DAPK2: variants seen among roughly 807,000 people sequenced by gnomAD.
The protein encoded by DAPK2 is death-associated protein kinase 2.
Under a neutral mutation model 44.1 loss-of-function variants are expected in DAPK2, and 35 were observed. That is an observed-to-expected ratio of 0.79 (90% CI 0.61 to 1.05). DAPK2 has a LOEUF of 1.05. Ranked by LOEUF, DAPK2 falls within the 50% of genes least tolerant of loss-of-function variation. The pLI, the probability that DAPK2 is intolerant of heterozygous loss-of-function variation, is 0.00. For synonymous variants in DAPK2, 174 were observed against 182.6 expected (o/e 0.95, Z 0.38); for missense variants, 453 against 483.2 (o/e 0.94, Z 0.59).
chr15:63,955,472 T>C (rs953846160), intron 3 of DAPK2, among the ~76,000 whole-genome samples: 1 of 152,202 alleles, frequency 6.6e-6, no homozygotes, highest in African/African-American at 2.4e-5. Context: ...CTGGTTTTGG[T>C]ATAAGGATAA....
chr15:64,042,601 T>C (rs1442042784), upstream of DAPK2, among the ~76,000 whole-genome samples: 2 of 152,222 alleles, frequency 1.3e-5, no homozygotes, highest in East Asian at 1.9e-4. The surrounding 1 kb of genome is among the most constrained non-coding windows in gnomAD (Gnocchi z 4.7). Flanking sequence ...CTCTATATCC[T>C]GGGTGGCCAA....
chr15:63,952,890 T>C (rs1290216217), intron 3 of DAPK2, among the ~76,000 whole-genome samples: 2 of 152,142 alleles, frequency 1.3e-5, no homozygotes, highest in Non-Finnish European at 2.9e-5. Flanking sequence ...TACTAGATCA[T>C]CTTCATTTAT....
chr15:63,925,965 C>T (rs749221840), exon 7 of DAPK2: 15 of 1,614,082 alleles, frequency 9.3e-6, no homozygotes, highest in South Asian at 8.8e-5. Context: ...CAGAAGCTTC[C>T]GAATAAAGTC....
intron 1 of DAPK2, among the ~76,000 whole-genome samples, chr15:63,999,380 A>G (rs1043754536): frequency 3.9e-5 from 6 of 152,136 alleles, no homozygotes; most frequent in Non-Finnish European, 7.4e-5. Flanking sequence ...GTGGAACTGC[A>G]GGGTCAAACC....
chr15:63,944,475 T>A (rs1254588480), intron 3 of DAPK2, among the ~76,000 whole-genome samples: 1 of 152,208 alleles, frequency 6.6e-6, no homozygotes, highest in Non-Finnish European at 1.5e-5. Flanking sequence ...CAAGCTCCAC[T>A]ATTAGCCTGA....
chr15:64,018,091 G>A (rs2079580651), intron 1 of DAPK2, among the ~76,000 whole-genome samples: 1 of 152,132 alleles, frequency 6.6e-6, no homozygotes, highest in African/African-American at 2.4e-5. Context: ...CCACAATTTG[G>A]CCTCTCCCCC....
chr15:63,958,202 G>T (rs899755978), intron 3 of DAPK2, among the ~76,000 whole-genome samples: 13 of 150,700 alleles, frequency 8.6e-5, no homozygotes, highest in African/African-American at 3.2e-4. Context: ...TGATGGAGTT[G>T]TTTTTTTTTC....
At chr15:63,936,263 A>C (rs556583887) in intron 4 of DAPK2, among the ~76,000 whole-genome samples, 1 of 152,142 alleles carries the variant, frequency 6.6e-6, no homozygotes, top group Non-Finnish European at 1.5e-5. Flanking sequence ...TCAACTCATC[A>C]GCTTTTGGGG....
chr15:63,974,897 G>A (rs539042454), intron 2 of DAPK2, among the ~76,000 whole-genome samples: 1 of 152,292 alleles, frequency 6.6e-6, no homozygotes, highest in South Asian at 2.1e-4. Flanking sequence ...GCTGCAAAGA[G>A]TCTGTTTTGT....
At chr15:63,973,011 C>T (rs556073753) in intron 2 of DAPK2, among the ~76,000 whole-genome samples, 2 of 152,278 alleles carry the variant, frequency 1.3e-5, no homozygotes, top group South Asian at 2.1e-4. Context: ...TTTCAGAGAT[C>T]GTGGGGGTGA....
intron 3 of DAPK2, among the ~76,000 whole-genome samples, chr15:63,962,272 T>G (rs2077924870): frequency 6.6e-6 from 1 of 152,190 alleles, no homozygotes; most frequent in African/African-American, 2.4e-5. Context: ...TTTAGCTTAT[T>G]TGCGATGGGT....
chr15:63,962,652 G>A (rs2077941404), intron 3 of DAPK2, among the ~76,000 whole-genome samples: 1 of 152,248 alleles, frequency 6.6e-6, no homozygotes, highest in Non-Finnish European at 1.5e-5. Flanking sequence ...ACCAGCGGAG[G>A]CTGCAGAACA....
chr15:64,029,013 C>T (rs1030609120), intron 1 of DAPK2, among the ~76,000 whole-genome samples: 1 of 152,076 alleles, frequency 6.6e-6, no homozygotes, highest in Admixed American at 6.5e-5. Flanking sequence ...TTAAAAACAA[C>T]ATGGAGTCAA....
chr15:63,921,951 T>C, intron 8 of DAPK2: 1 of 152,222 alleles, frequency 6.6e-6, no homozygotes, highest in East Asian at 1.9e-4. Flanking sequence ...CCTGGCAGAA[T>C]ACATGAAGTT....
chr15:64,036,656 G>A (rs2080220491), intron 1 of DAPK2, among the ~76,000 whole-genome samples: 1 of 151,912 alleles, frequency 6.6e-6, no homozygotes, highest in South Asian at 2.1e-4. Context: ...TTCATCCATT[G>A]TTACATGTAA....
intron 1 of DAPK2, among the ~76,000 whole-genome samples, chr15:64,030,839 A>C (rs942279968): frequency 9.9e-5 from 15 of 152,142 alleles, no homozygotes; most frequent in African/African-American, 3.6e-4. Context: ...TCTAGGGCAC[A>C]TGCCTATAGC....
At chr15:63,928,064 T>C (rs959588437) in intron 6 of DAPK2, among the ~76,000 whole-genome samples, 2 of 152,134 alleles carry the variant, frequency 1.3e-5, no homozygotes, top group Non-Finnish European at 1.5e-5. Flanking sequence ...CCTGAAGAAA[T>C]CAAAGTTTCA....
At chr15:64,008,791 T>G (rs2079307918) in intron 1 of DAPK2, among the ~76,000 whole-genome samples, 1 of 152,100 alleles carries the variant, frequency 6.6e-6, no homozygotes, top group African/African-American at 2.4e-5. Context: ...GTTTTAAAAG[T>G]AAGAAAATGA....
intron 1 of DAPK2, among the ~76,000 whole-genome samples, chr15:63,993,911 A>C (rs1489136297): frequency 6.6e-6 from 1 of 152,152 alleles, no homozygotes; most frequent in African/African-American, 2.4e-5. Context: ...ACAGACACAC[A>C]CGGTGGTTTC....
Sources: allele counts gnomAD v4.1 joint callset (sites outside exome capture counted in the v4.1 genomes callset), GRCh38; gene constraint gnomAD v4.1.1; non-coding constraint Gnocchi (gnomAD v3.1); transcripts MANE v1.5; gene names NCBI Gene and HGNC (gene_info 2026-07-23, HGNC 2026-07-21).